Variants in PPHLN1 observed in about 807,000 individuals in gnomAD.
PPHLN1 encodes the protein periphilin 1.
PPHLN1 carries 29 observed loss-of-function variants against 51.3 expected under a neutral mutation model. The observed-to-expected ratio is 0.57, with a 90% CI of 0.42 to 0.77. PPHLN1 has a LOEUF of 0.77. Among genes scored for constraint, PPHLN1 ranks in the 30% least tolerant of loss-of-function variants. The pLI is 0.00. For missense variants in PPHLN1, 436 were observed against 438.4 expected (o/e 0.99, Z 0.05); for synonymous variants, 147 against 147.8 (o/e 0.99, Z 0.04).
intron 2 of PPHLN1, among the ~76,000 whole-genome samples, chr12:42,351,087 T>C (rs1321960848): frequency 2.0e-5 from 3 of 150,214 alleles, no homozygotes; most frequent in African/African-American, 7.4e-5. Context: ...TATCAGGCTT[T>C]ACAGTTTTTT....
intron 9 of PPHLN1, among the ~76,000 whole-genome samples, chr12:42,438,979 C>A (rs1238719020): frequency 6.6e-6 from 1 of 152,186 alleles, no homozygotes. Context: ...AAGATTTTCT[C>A]CGAGTCTGTA....
intron 8 of PPHLN1, among the ~76,000 whole-genome samples, chr12:42,396,015 G>A (rs1234160674): frequency 6.6e-6 from 1 of 151,888 alleles, no homozygotes; most frequent in Non-Finnish European, 1.5e-5. Flanking sequence ...TCATCTTCTG[G>A]GCTCTACTAC....
chr12:42,326,872 C>A (rs2068861747), intron 1 of PPHLN1, among the ~76,000 whole-genome samples: 2 of 152,338 alleles, frequency 1.3e-5, no homozygotes, highest in African/African-American at 4.8e-5. Context: ...TCTAACCACT[C>A]CCTGGGAGCC....
At chr12:42,398,759 TTAATA>T in intron 8 of PPHLN1, 90 bp from the exon 9 acceptor site, 1 of 1,063,154 alleles carries the variant, frequency 9.4e-7, no homozygotes. Context: ...AATCTAGCAC[TTAATA>T]TAATTTGCCA....
Position 42,335,899 on chromosome 12 carries a change from C to A in PPHLN1, c.-4C>A. Reference sequence around the variant, plus strand: ...TTTCTTTAGTGGCTTACAGAAGAGACGAAATGTGGTCTGAGGGACGATATG... The same window carrying A: ...TTTCTTTAGTGGCTTACAGAAGAGAAGAAATGTGGTCTGAGGGACGATATG... On this transcript the variant is annotated 5_prime_UTR_variant, in exon 2 of 10. Transcript: ENST00000358314. The A allele has an allele frequency of 1.3e-6, 2 of 1,564,838 alleles. No homozygotes were observed. Among genetic ancestry groups the A allele is most frequent in the Non-Finnish European group, 1.7e-6 (2 of 1,154,032 alleles).
intron 2 of PPHLN1, among the ~76,000 whole-genome samples, chr12:42,346,479 C>T (rs920635996): frequency 5.9e-5 from 9 of 152,056 alleles, no homozygotes. Context: ...TTTCTTGATC[C>T]ATTTGTTCAT....
chr12:42,368,542 CA>C (rs2075498521), intron 4 of PPHLN1, among the ~76,000 whole-genome samples: 2 of 151,934 alleles, frequency 1.3e-5, no homozygotes, highest in Admixed American at 6.5e-5. Context: ...GTCAAAAGGC[CA>C]TATATAAGTA....
downstream of PPHLN1, chr12:42,442,624 T>G: frequency 6.2e-7 from 1 of 1,613,720 alleles, no homozygotes; most frequent in Non-Finnish European, 8.5e-7. Flanking sequence ...ACTCCTTTCA[T>G]CCGGTCGCTC....
chr12:42,373,863 G>A (rs1470177543), intron 4 of PPHLN1, among the ~76,000 whole-genome samples: 4 of 152,156 alleles, frequency 2.6e-5, no homozygotes, highest in Non-Finnish European at 5.9e-5. Context: ...TACTGAGGAT[G>A]CACACTCAGC....
chr12:42,349,131 T>C (rs1001158199), intron 2 of PPHLN1, among the ~76,000 whole-genome samples: 3 of 152,230 alleles, frequency 2.0e-5, no homozygotes, highest in African/African-American at 7.2e-5. Context: ...TGAATTGTTG[T>C]AGTCATTAGG....
chr12:42,356,883 G>A (rs926457577), intron 4 of PPHLN1, among the ~76,000 whole-genome samples: 8 of 152,128 alleles, frequency 5.3e-5, no homozygotes, highest in African/African-American at 1.9e-4. Flanking sequence ...GAATTAGAAT[G>A]AAAAACGCAA....
At chr12:42,409,557 T>C (rs928519552) in intron 9 of PPHLN1, among the ~76,000 whole-genome samples, 5 of 152,174 alleles carry the variant, frequency 3.3e-5, no homozygotes, top group Admixed American at 2.0e-4. Flanking sequence ...TACAATCCCC[T>C]TGTTAGAGTG....
At chr12:42,428,626 G>A (rs1030744171) in intron 9 of PPHLN1, among the ~76,000 whole-genome samples, 1 of 152,028 alleles carries the variant, frequency 6.6e-6, no homozygotes, top group Admixed American at 6.6e-5. Flanking sequence ...GAAAAGAGTG[G>A]GAGGGGGGTG....
At chr12:42,355,907 G>A (rs2074000666) in intron 4 of PPHLN1, among the ~76,000 whole-genome samples, 3 of 152,112 alleles carry the variant, frequency 2.0e-5, no homozygotes, top group Admixed American at 2.0e-4. Context: ...AGTATTCTGG[G>A]TTCTTACAAA....
At chr12:42,442,717 C>G, downstream of PPHLN1, 1 of 1,613,880 alleles carries the variant, frequency 6.2e-7, no homozygotes, top group Non-Finnish European at 8.5e-7. Flanking sequence ...CCCCCGAAAA[C>G]GAAGGCGAAG....
chr12:42,421,926 G>A (rs1037178199), intron 9 of PPHLN1, among the ~76,000 whole-genome samples: 4 of 152,140 alleles, frequency 2.6e-5, no homozygotes, highest in African/African-American at 9.6e-5. Context: ...GATGGCACCT[G>A]TGAATAAGAA....
At chr12:42,437,987 G>A (rs1317264781) in intron 9 of PPHLN1, among the ~76,000 whole-genome samples, 1 of 151,914 alleles carries the variant, frequency 6.6e-6, no homozygotes, top group Non-Finnish European at 1.5e-5. Context: ...AGATTCTTTC[G>A]TGTCATTTTG....
intron 4 of PPHLN1, among the ~76,000 whole-genome samples, chr12:42,367,140 G>A (rs1350377890): frequency 6.6e-6 from 1 of 151,904 alleles, no homozygotes; most frequent in Non-Finnish European, 1.5e-5. Flanking sequence ...TTCTATCTCA[G>A]GGAAAAAAGG....
intron 7 of PPHLN1, among the ~76,000 whole-genome samples, chr12:42,390,818 GTTTTTTTT>G (rs34282980): frequency 1.8e-4 from 21 of 118,572 alleles, no homozygotes; most frequent in African/African-American, 5.1e-4. Context: ...AGACCGTGAA[GTTTTTTTT>G]TTTTTTTTTT....
Sources: gnomAD v4.1 joint callset for allele counts (sites outside exome capture counted in the v4.1 genomes callset) on GRCh38, gnomAD v4.1.1 for gene constraint, MANE v1.5 for transcripts, NCBI Gene and HGNC (gene_info 2026-07-23, HGNC 2026-07-21) for gene names.